Variants in STIM1 observed in about 807,000 individuals in gnomAD.
STIM1 encodes the protein stromal interaction molecule 1.
Under a neutral mutation model 74.7 loss-of-function variants are expected in STIM1, and 25 were observed. That is an observed-to-expected ratio of 0.33 (90% CI 0.24 to 0.47). STIM1 has a LOEUF of 0.47. Among genes scored for constraint, STIM1 ranks in the 20% least tolerant of loss-of-function variants. STIM1 has a pLI of 1.00. For missense variants in STIM1, 728 were observed against 920.8 expected (o/e 0.79, Z 2.71); for synonymous variants, 328 against 348.8 (o/e 0.94, Z 0.66).
chr11:3,877,322 T>G (rs1292748944), intron 1 of STIM1, among the ~76,000 whole-genome samples: 1 of 152,108 alleles, frequency 6.6e-6, no homozygotes, highest in Non-Finnish European at 1.5e-5. Context: ...TTGGTATGCC[T>G]TGCTTCTCTA....
chr11:3,993,261 C>G (rs1217038424), intron 2 of STIM1, among the ~76,000 whole-genome samples: 1 of 152,200 alleles, frequency 6.6e-6, no homozygotes, highest in Non-Finnish European at 1.5e-5. Context: ...TTCCTTCATA[C>G]TCTTTTATAT....
In STIM1 at chr11:3,895,608, CTCTT is replaced by C. The variant is rs1157112648; in HGVS notation, c.139+39262_139+39265del. On this transcript the variant is annotated intron_variant, in intron 1 of 12. Transcript: ENST00000526596. ...CGGGAATAGTGTTCTTTCTTTCTCTCTCTTTCTTTCTTTCTTTCTTTCTTTCTTT... is the reference window on the plus strand; with the variant it reads ...CGGGAATAGTGTTCTTTCTTTCTCTCTCTTTCTTTCTTTCTTTCTTTCTTT... 5.6e-3 allele frequency among the ~76,000 whole-genome samples: 296 copies of C among 53,058 alleles called. 5 individuals carry two copies. Among genetic ancestry groups the C allele is most frequent in the Admixed American group, 0.01 (54 of 5,284 alleles). The allele number at this position is 53,058 out of a possible 152,430, so 34.8% of individuals were successfully genotyped here.
At chr11:4,068,569 A>G (rs955156474) in intron 5 of STIM1, among the ~76,000 whole-genome samples, 13 of 152,202 alleles carry the variant, frequency 8.5e-5, no homozygotes, top group African/African-American at 2.6e-4. Flanking sequence ...AAGACAGGAG[A>G]GTGATGGCTT....
intron 1 of STIM1, among the ~76,000 whole-genome samples, chr11:3,899,325 A>G (rs1299560381): frequency 6.6e-5 from 10 of 152,028 alleles, no homozygotes; most frequent in Admixed American, 2.0e-4. Flanking sequence ...TTTGTCTGTT[A>G]TTGGTGTATA....
chr11:3,894,905 A>ATTT (rs35236633), intron 1 of STIM1, among the ~76,000 whole-genome samples: 2,215 of 113,170 alleles, frequency 0.02, 109 homozygotes, highest in African/African-American at 0.061. Flanking sequence ...CGCCTGGCTA[A>ATTT]TTTTTTTTTT....
chr11:3,937,102 G>A (rs1334518712), intron 1 of STIM1, among the ~76,000 whole-genome samples: 1 of 151,804 alleles, frequency 6.6e-6, no homozygotes, highest in Non-Finnish European at 1.5e-5. Context: ...ACCAGCCTGG[G>A]TGACATGGCA....
At chr11:3,891,766 C>A (rs1435437949) in intron 1 of STIM1, among the ~76,000 whole-genome samples, 5 of 152,134 alleles carry the variant, frequency 3.3e-5, no homozygotes, top group Non-Finnish European at 1.5e-5. Context: ...TAACCACCAC[C>A]TAGATCAAGA....
At chr11:3,916,820 T>G (rs2092650919) in intron 1 of STIM1, among the ~76,000 whole-genome samples, 1 of 152,126 alleles carries the variant, frequency 6.6e-6, no homozygotes, top group Non-Finnish European at 1.5e-5. Flanking sequence ...ACTCCTGACC[T>G]CAGGTGATCT....
intron 1 of STIM1, among the ~76,000 whole-genome samples, chr11:3,953,761 T>G (rs182063202): frequency 1.3e-5 from 2 of 151,800 alleles, no homozygotes; most frequent in Non-Finnish European, 2.9e-5. Flanking sequence ...AAGATCGGTA[T>G]TGACTTCTTG....
intron 1 of STIM1, among the ~76,000 whole-genome samples, chr11:3,951,387 T>TG (rs575594070): frequency 6.6e-6 from 1 of 152,218 alleles, no homozygotes; most frequent in Admixed American, 6.5e-5. Flanking sequence ...GAGGGTTATA[T>TG]GGGGCAGAAA....
chr11:4,053,477 A>C (rs939649370), intron 3 of STIM1, among the ~76,000 whole-genome samples: 1 of 152,086 alleles, frequency 6.6e-6, no homozygotes, highest in Non-Finnish European at 1.5e-5. Flanking sequence ...AAAATATCGC[A>C]AGAACAAAAA....
intron 1 of STIM1, among the ~76,000 whole-genome samples, chr11:3,867,713 T>TA (rs2090911413): frequency 6.6e-6 from 1 of 152,146 alleles, no homozygotes; most frequent in Non-Finnish European, 1.5e-5. Flanking sequence ...GACAAAAGAA[T>TA]AAAAGTAACT....
At chr11:3,985,447 A>G (rs2093549757) in intron 2 of STIM1, among the ~76,000 whole-genome samples, 1 of 152,170 alleles carries the variant, frequency 6.6e-6, no homozygotes, top group African/African-American at 2.4e-5. Context: ...GAGAAGAGGA[A>G]CACTGAGCCA....
intron 2 of STIM1, among the ~76,000 whole-genome samples, chr11:4,012,340 T>C (rs1344217042): frequency 6.6e-6 from 1 of 152,248 alleles, no homozygotes; most frequent in Non-Finnish European, 1.5e-5. Context: ...ATGATATTGA[T>C]TCTTCCTATC....
intron 12 of STIM1, among the ~76,000 whole-genome samples, chr11:4,088,114 T>C (rs1050188923): frequency 1.3e-5 from 2 of 152,142 alleles, no homozygotes; most frequent in Admixed American, 6.5e-5. Flanking sequence ...TGGAAAATAA[T>C]TGGTGAAAGG....
intron 1 of STIM1, among the ~76,000 whole-genome samples, chr11:3,872,714 T>G (rs10835225): frequency 0.94 from 142,463 of 151,650 alleles, 66,899 homozygotes; most frequent in East Asian, 0.95. Flanking sequence ...GTAGAGACAG[T>G]GTTTCACTGT....
At chr11:4,021,730 A>G (rs1158605863) in intron 2 of STIM1, among the ~76,000 whole-genome samples, 1 of 152,098 alleles carries the variant, frequency 6.6e-6, no homozygotes, top group Non-Finnish European at 1.5e-5. Flanking sequence ...ATGTCACTGA[A>G]ATTTAGATAG....
At chr11:3,862,694 C>T (rs2135217288) in intron 1 of STIM1, among the ~76,000 whole-genome samples, 1 of 152,104 alleles carries the variant, frequency 6.6e-6, no homozygotes, top group Middle Eastern at 3.4e-3. Flanking sequence ...GATCTGTCCG[C>T]CTTGGCCTCC....
chr11:3,905,015 A>G (rs944234034), intron 1 of STIM1, among the ~76,000 whole-genome samples: 1 of 152,154 alleles, frequency 6.6e-6, no homozygotes, highest in Non-Finnish European at 1.5e-5. Context: ...AGGAACTCTG[A>G]TATGTGTGGA....
Sources: gnomAD v4.1 joint callset for allele counts (sites outside exome capture counted in the v4.1 genomes callset) on GRCh38, gnomAD v4.1.1 for gene constraint, MANE v1.5 for transcripts, NCBI Gene and HGNC (gene_info 2026-07-23, HGNC 2026-07-21) for gene names.